The following PCDHGB7 variants were observed in gnomAD, a reference collection of about 807,000 sequenced individuals.
The protein encoded by PCDHGB7 is protocadherin gamma-B7.
In PCDHGB7, 37 loss-of-function variants were observed where a neutral mutation model predicts 61.4. The observed-to-expected ratio is 0.60, with a 90% CI of 0.46 to 0.79. The LOEUF (loss-of-function observed/expected upper bound fraction) is 0.79. Among genes scored for constraint, PCDHGB7 ranks in the 30% least tolerant of loss-of-function variants. PCDHGB7 has a pLI of 0.00. For missense variants in PCDHGB7, 1,166 were observed against 1,202.5 expected (o/e 0.97, Z 0.45); for synonymous variants, 464 against 503.5 (o/e 0.92, Z 1.05).
intron 2 of PCDHGB7, among the ~76,000 whole-genome samples, chr5:141,500,008 C>T (rs1027220192): frequency 6.6e-6 from 1 of 151,770 alleles, no homozygotes; most frequent in African/African-American, 2.4e-5. Flanking sequence ...TTCATAAGGT[C>T]CACATTTTAT....
intron 1 of PCDHGB7, among the ~76,000 whole-genome samples, chr5:141,438,263 A>G (rs2097944986): frequency 6.6e-6 from 1 of 152,144 alleles, no homozygotes; most frequent in South Asian, 2.1e-4. Flanking sequence ...AAGAGACCAT[A>G]GAATCAAACA....
At chr5:141,436,173 A>T (rs556225963) in intron 1 of PCDHGB7, among the ~76,000 whole-genome samples, 1 of 152,302 alleles carries the variant, frequency 6.6e-6, no homozygotes, top group East Asian at 1.9e-4. Context: ...GACAGTTCTC[A>T]TATATAGTCA....
chr5:141,476,039 C>T lies in PCDHGB7; in HGVS notation c.2416-18768C>T. The T allele has an allele frequency of 1.3e-6, 2 of 1,484,358 alleles. No homozygotes were observed. The highest frequency in any genetic ancestry group is 1.8e-6 in the Non-Finnish European group (2 of 1,117,328). The allele number at this position is 1,484,358 out of a possible 1,614,324, so 91.9% of individuals were successfully genotyped here. On this transcript the variant is annotated intron_variant, in intron 1 of 3. Coordinates refer to ENST00000398594, the MANE Select transcript of PCDHGB7 (RefSeq NM_018927.4). The surrounding 1 kb of genome is among the most constrained non-coding windows in gnomAD (Gnocchi z 7.6). Reference sequence around the variant, plus strand: ...TCGGACTCGGCGCCCAGCGCCCAAGCGCTAACCCGCTGAAAGTTTCTCAGC... The same window carrying T: ...TCGGACTCGGCGCCCAGCGCCCAAGTGCTAACCCGCTGAAAGTTTCTCAGC...
At chr5:141,507,017 C>CACTT (rs763489200) in intron 3 of PCDHGB7, 1 of 152,206 alleles carries the variant, frequency 6.6e-6, no homozygotes, top group Non-Finnish European at 1.5e-5. Flanking sequence ...ACCGAGAAGG[C>CACTT]ACTTGCCCCA....
chr5:141,443,781 CA>C (rs1227271563), intron 1 of PCDHGB7, among the ~76,000 whole-genome samples: 2 of 150,514 alleles, frequency 1.3e-5, no homozygotes, highest in African/African-American at 2.4e-5. Flanking sequence ...ACCAAAAAGA[CA>C]AAAAAAATGA....
At chr5:141,482,936 G>T (rs2099574800) in intron 1 of PCDHGB7, among the ~76,000 whole-genome samples, 1 of 152,050 alleles carries the variant, frequency 6.6e-6, no homozygotes, top group Admixed American at 6.5e-5. Context: ...AGCCAGGTGT[G>T]GTTGTGGGTG....
At position 141,419,556 on chromosome 5, in the gene PCDHGB7, C is replaced by A. The variant is rs202164819; in HGVS notation, c.1697C>A (p.Ala566Glu). The change falls in exon 1 of 4, where the codon GCG becomes GAG. Residue 566 changes from alanine to glutamate, a missense_variant. Ala to Glu is a moderately radical substitution (Grantham distance 107). Transcript: ENST00000398594. ...AACGCACCGCGGGTGCTGTACCCTG[C>A]GCTGGGTCCCGACGGCTCCGCGCTC... ...NDNAPRVLYP[A>E]LGPDGSALFD... The A allele has an allele frequency of 1.4e-4, 227 of 1,611,892 alleles. No homozygotes were observed. The highest frequency in any genetic ancestry group is 8.6e-5 in the Non-Finnish European group (101 of 1,179,474).
chr5:141,478,384 T>G, intron 1 of PCDHGB7: 1 of 1,613,658 alleles, frequency 6.2e-7, no homozygotes, highest in South Asian at 1.1e-5. Context: ...CGCCGCACCT[T>G]TACCATCAGG....
rs1257933448 is a variant in PCDHGB7, at chr5:141,490,285, G to C, written c.2416-4522G>C. 3 of 1,614,106 alleles carry C rather than the reference G, an allele frequency of 1.9e-6. No homozygotes were observed. In the African/African-American group the frequency reaches 4.0e-5, roughly 22 times the overall value. On this transcript the variant is annotated intron_variant, in intron 1 of 3. Coordinates refer to ENST00000398594, the MANE Select transcript of PCDHGB7 (RefSeq NM_018927.4). This position sits in a 1 kb window ranked among gnomAD's most constrained non-coding sequence, Gnocchi z 5.4. ...GGGGGATGTCAATGACAATGCCCCAGAGGTGCTATTGGCCTCTTTGGCCAA... is the reference window on the plus strand; with the variant it reads ...GGGGGATGTCAATGACAATGCCCCACAGGTGCTATTGGCCTCTTTGGCCAA...
rs1376069004 is a variant in PCDHGB7 at position 141,457,869 on chromosome 5, G to T, written c.2416-36938G>T. On this transcript the variant is annotated intron_variant, in intron 1 of 3. Transcript: ENST00000398594. ...AAGTGACATTCTTCACTGACCACAG[G>T]TTAGGAACCCTGTGTGGGGACTGTG... 2.0e-5 allele frequency among the ~76,000 whole-genome samples: 3 copies of T among 152,334 alleles called. No individual in the cohort carries two copies. The East Asian group carries it at 5.8e-4, about 29-fold the overall frequency.
At chr5:141,429,924 A>T (rs2097252885) in intron 1 of PCDHGB7, among the ~76,000 whole-genome samples, 1 of 152,210 alleles carries the variant, frequency 6.6e-6, no homozygotes, top group Admixed American at 6.5e-5. Context: ...GTATTAATAG[A>T]ATTCTGGAGT....
chr5:141,460,454 T>A (rs1010186960), intron 1 of PCDHGB7, among the ~76,000 whole-genome samples: 6 of 152,194 alleles, frequency 3.9e-5, no homozygotes, highest in Admixed American at 3.3e-4. Flanking sequence ...TGAAGATTCA[T>A]ATTTTTTTCC....
chr5:141,463,910 A>G (rs2099071862), intron 1 of PCDHGB7, among the ~76,000 whole-genome samples: 1 of 152,178 alleles, frequency 6.6e-6, no homozygotes, highest in Admixed American at 6.5e-5. Flanking sequence ...CTAATAATAT[A>G]TCCTGGAAAT....
chr5:141,421,611 T>C lies in PCDHGB7; in HGVS notation c.2415+1337T>C, dbSNP rs747573417. 6.8e-6 allele frequency: 11 copies of C among 1,613,694 alleles called. No homozygotes were observed. The African/African-American group carries it at 1.3e-4, about 20-fold the overall frequency. On this transcript the variant is annotated intron_variant, in intron 1 of 3. Transcript: ENST00000398594. ...TGGAGGTGGAAATAATAGATATTAA[T>C]GATAACGCCCCCAGCTTCCAGGAGG...
Position 141,491,648 on chromosome 5 carries a change from T to A in PCDHGB7, c.2416-3159T>A. 6.2e-7 allele frequency: 1 copy of A among 1,613,834 alleles called. No individual in the cohort carries two copies. Among genetic ancestry groups the A allele is most frequent in the Non-Finnish European group, 8.5e-7 (1 of 1,180,002 alleles). ...GTTCAGCAGCCCACAGCTCTGGCGC[T>A]GGAGCCTGACGCCATCCGGTCCCGC... On this transcript the variant is annotated intron_variant, in intron 1 of 3. Transcript: ENST00000398594. This position sits in a 1 kb window ranked among gnomAD's most constrained non-coding sequence, Gnocchi z 6.9.
chr5:141,475,527 C>G (rs1462406655), intron 1 of PCDHGB7, among the ~76,000 whole-genome samples: 2 of 152,172 alleles, frequency 1.3e-5, no homozygotes, highest in African/African-American at 2.4e-5. Context: ...ATGCTAAATG[C>G]CTCCTTACAA....
chr5:141,418,128 T>C lies in PCDHGB7; in HGVS notation c.269T>C (p.Ile90Thr), dbSNP rs1386757111. Residue 90 changes from isoleucine to threonine, a missense_variant, in exon 1 of 4, where the codon ATA (isoleucine) becomes ACA (threonine). Ile to Thr is a moderately conservative substitution (Grantham distance 89). Coordinates refer to ENST00000398594, the MANE Select transcript of PCDHGB7 (RefSeq NM_018927.4). The part of the protein sequence containing the change: ...QSGDLLVKDR[I>T]DREQICKERR... ...GGGGACTTACTTGTGAAGGACCGAA[T>C]AGACCGTGAGCAAATATGCAAAGAG... 6.2e-7 allele frequency: 1 copy of C among 1,614,090 alleles called. No individual in the cohort carries two copies. The highest frequency in any genetic ancestry group is 1.1e-5 in the South Asian group (1 of 91,090).
chr5:141,502,514 T>A (rs2099814743), intron 2 of PCDHGB7, among the ~76,000 whole-genome samples: 1 of 152,202 alleles, frequency 6.6e-6, no homozygotes, highest in African/African-American at 2.4e-5. Flanking sequence ...TGTCCCACTA[T>A]CAGTGATGCC....
chr5:141,420,505 T>C (rs923726040), intron 1 of PCDHGB7: 4 of 457,906 alleles, frequency 8.7e-6, no homozygotes, highest in Middle Eastern at 6.0e-4. Context: ...GGTGACATTT[T>C]TATGAAGTAA....
Sources: allele counts gnomAD v4.1 joint callset (sites outside exome capture counted in the v4.1 genomes callset), GRCh38; gene constraint gnomAD v4.1.1; non-coding constraint Gnocchi (gnomAD v3.1); transcripts MANE v1.5; gene names NCBI Gene and HGNC (gene_info 2026-07-23, HGNC 2026-07-21).